Variants in GAK observed in about 807,000 individuals in gnomAD.
GAK encodes cyclin G associated kinase, also known as cyclin-G-associated kinase.
In GAK, 79 loss-of-function variants were observed where a neutral mutation model predicts 143.9. The ratio of observed to expected loss-of-function variants is 0.55; its 90% confidence interval spans 0.46 to 0.66. The LOEUF (loss-of-function observed/expected upper bound fraction) is 0.66. Ranked by LOEUF, GAK falls within the 30% of genes least tolerant of loss-of-function variation. GAK has a pLI of 0.00. For synonymous variants in GAK, 881 were observed against 765.5 expected, an observed-to-expected ratio of 1.15 and a Z score of -2.49; for missense variants, 1,693 against 1,779.7, an observed-to-expected ratio of 0.95 and a Z score of 0.88.
rs1431911721 is a variant in GAK, at chr4:850,035, T to C, written c.3691A>G (p.Ile1231Val). 1.9e-6 allele frequency: 3 copies of C among 1,598,350 alleles called. No homozygotes were observed. Among genetic ancestry groups the C allele is most frequent in the African/African-American group, 1.3e-5 (1 of 74,646 alleles). ...TGCAGCGTGGACAGCAGGGCCCGGA[T>C]GTTCCGCTCCTTGCCCTCAATCCAG... is the stretch of plus-strand genomic sequence containing the variant. Reference protein sequence around the residue: ...LDWIEGKERNIRALLSTLHTV... With the variant: ...LDWIEGKERNVRALLSTLHTV... Residue 1231 changes from isoleucine (I) to valine (V), a missense_variant, in exon 27 of 28, where the codon ATC (isoleucine) becomes GTC (valine). This residue lies in a region of GAK where 822 missense variants were observed against 788.7 expected (regional missense o/e 1.04). Coordinates refer to ENST00000314167, the MANE Select transcript of GAK (RefSeq NM_005255.4).
chr4:871,863 C>T (rs1281547316), intron 18 of GAK, among the ~76,000 whole-genome samples: 1 of 152,230 alleles, frequency 6.6e-6, no homozygotes, highest in Non-Finnish European at 1.5e-5. Flanking sequence ...CTGTCATAAA[C>T]TGCACTGATA....
chr4:906,029 C>A (rs1337410949), intron 4 of GAK, among the ~76,000 whole-genome samples: 1 of 152,240 alleles, frequency 6.6e-6, no homozygotes, highest in Non-Finnish European at 1.5e-5. Flanking sequence ...AGCATCCCAG[C>A]AGCTGAGCTG....
intron 16 of GAK, 84 bp from the exon 17 acceptor site, chr4:877,291 G>A: frequency 2.1e-6 from 2 of 947,618 alleles, no homozygotes; most frequent in Non-Finnish European, 3.4e-6. Flanking sequence ...ATGAGAAATT[G>A]TCCACTTAGC....
chr4:930,260 G>A (rs1323745863), intron 1 of GAK, among the ~76,000 whole-genome samples: 2 of 152,084 alleles, frequency 1.3e-5, no homozygotes, highest in Non-Finnish European at 2.9e-5. Flanking sequence ...GAGGCTGCAG[G>A]CCACCTATTA....
chr4:905,967 G>A (rs1425272131), intron 4 of GAK, among the ~76,000 whole-genome samples: 2 of 152,254 alleles, frequency 1.3e-5, no homozygotes, highest in Admixed American at 1.3e-4. Flanking sequence ...CACACACAGA[G>A]CAGAGGCCAG....
Position 851,847 on chromosome 4 carries a change from C to T in GAK, c.3411G>A (p.Pro1137=), listed in dbSNP as rs755951124. 16 of 1,607,612 alleles carry T rather than the reference C, an allele frequency of 1.0e-5. No individual in the cohort carries two copies. Among genetic ancestry groups the T allele is most frequent in the Admixed American group, 3.4e-5 (2 of 59,236 alleles). ...TTGGCTGTGTGCAGGCTTTGGGGGG[C>T]GGCTTGGCCTGAGGGGGCCATGAGG... ...QGASWPPQAK[P]PPKACTQPRP... Residue 1137 remains proline (P), a synonymous_variant, in exon 25 of 28, where the codon CCG becomes CCA. Transcript: ENST00000314167.
intron 11 of GAK, chr4:888,561 G>T (rs930896608): frequency 5.6e-5 from 23 of 414,206 alleles, no homozygotes; most frequent in Non-Finnish European, 1.3e-5. Context: ...AGCCAGGAAC[G>T]CCCCAGAGTG....
At position 908,240 on chromosome 4, in the gene GAK, C is replaced by T. The variant is rs80173898; in HGVS notation, c.382+3433G>A. The stretch of plus-strand genomic sequence containing the variant: ...CTCCAAGTGTGCTGGGCAGAGGGTG[C>T]GGCAAGGCTCACACAGCAGGCAGGC... On this transcript the variant is annotated intron_variant, in intron 4 of 27. Transcript: ENST00000314167. Among the ~76,000 whole-genome samples, 162 of 152,312 alleles carry T rather than the reference C, an allele frequency of 1.1e-3. 2 individuals are homozygous for T. In the East Asian group the frequency reaches 0.026, roughly 25 times the overall value.
At chr4:872,455 G>A (rs1712863938) in intron 18 of GAK, 1 of 152,292 alleles carries the variant, frequency 6.6e-6, no homozygotes, top group African/African-American at 2.4e-5. Context: ...CAGCTGGCGT[G>A]GAGATGTGGA....
At chr4:921,280 T>C (rs1323161582) in intron 1 of GAK, among the ~76,000 whole-genome samples, 2 of 152,168 alleles carry the variant, frequency 1.3e-5, no homozygotes, top group East Asian at 1.9e-4. Context: ...TTTTTGTATT[T>C]TTAGTAGAGA....
In GAK at chr4:877,821, C is replaced by A. The variant is rs112206114; in HGVS notation, c.1662-12G>T. ...TGTACTCGATGTACCTGGGGGCAGA[C>A]GTGCCGCGTCACCACGTGACGTGCC... On this transcript the variant is annotated splice_polypyrimidine_tract_variant and intron_variant, in intron 15 of 27. Coordinates refer to ENST00000314167, the MANE Select transcript of GAK (RefSeq NM_005255.4). The A allele has an allele frequency of 1.3e-6, 2 of 1,562,152 alleles. No homozygotes were observed. Among genetic ancestry groups the A allele is most frequent in the Non-Finnish European group, 1.7e-6 (2 of 1,150,410 alleles).
chr4:876,973 C>A, intron 17 of GAK, 117 bp downstream of exon 17: 1 of 700,690 alleles, frequency 1.4e-6, no homozygotes, highest in Non-Finnish European at 2.5e-6. Context: ...GCCCACGGCA[C>A]TCACCAAACA....
chr4:872,046 C>T (rs1712752772), intron 18 of GAK, among the ~76,000 whole-genome samples: 1 of 152,206 alleles, frequency 6.6e-6, no homozygotes, highest in South Asian at 2.1e-4. Context: ...CCAGGAACAC[C>T]CAGAGCAGAG....
Position 904,744 on chromosome 4 carries a change from G to A in GAK, c.418C>T (p.Arg140Ter), listed in dbSNP as rs770459206. ...ACCGTGTCGCACGAAAGGGGGCCTC[G>A]AGATTCCATTTTCTTCAAAAATTCC... ...LVEFLKKMES[R>*]GPLSCDTVLK... Residue 140 changes from arginine to a stop codon, truncating the protein, a stop_gained, in exon 5 of 28, where the codon CGA (arginine) becomes TGA (stop). Coordinates refer to ENST00000314167, the MANE Select transcript of GAK (RefSeq NM_005255.4). LOFTEE classifies it high-confidence loss of function. 3.7e-6 allele frequency: 6 copies of A among 1,614,042 alleles called. No homozygotes were observed. Among genetic ancestry groups the A allele is most frequent in the African/African-American group, 2.7e-5 (2 of 74,936 alleles).
chr4:876,917 T>G (rs1367319591), intron 17 of GAK, among the ~76,000 whole-genome samples, 173 bp downstream of exon 17: 1 of 152,188 alleles, frequency 6.6e-6, no homozygotes, highest in Non-Finnish European at 1.5e-5. Context: ...CCGCGTCAAG[T>G]GCACGGGGCA....
At chr4:927,740 G>A (rs1394127082) in intron 1 of GAK, among the ~76,000 whole-genome samples, 1 of 103,576 alleles carries the variant, frequency 9.7e-6, no homozygotes, top group Non-Finnish European at 1.9e-5. Flanking sequence ...GCTTACCTGC[G>A]CTCTGCACTG....
At chr4:910,310 C>T (rs1370825891) in intron 4 of GAK, among the ~76,000 whole-genome samples, 1 of 141,028 alleles carries the variant, frequency 7.1e-6, no homozygotes, top group Non-Finnish European at 1.6e-5. Context: ...CAGAGCCCCC[C>T]GCTAAGTGCA....
chr4:870,956 G>A, intron 18 of GAK, 52 bp from the exon 19 acceptor site: 2 of 1,460,040 alleles, frequency 1.4e-6, no homozygotes, highest in Non-Finnish European at 1.9e-6. Context: ...TAGTCTGTAA[G>A]TCCTTGGACA....
At chr4:909,316 C>T (rs1038101266) in intron 4 of GAK, among the ~76,000 whole-genome samples, 7 of 152,260 alleles carry the variant, frequency 4.6e-5, no homozygotes, top group African/African-American at 1.2e-4. Context: ...AGAAGCGCAG[C>T]GCAGGAGCGG....
Sources: allele counts gnomAD v4.1 joint callset (sites outside exome capture counted in the v4.1 genomes callset), GRCh38; gene constraint gnomAD v4.1.1; regional missense constraint gnomAD v4.1.1; transcripts MANE v1.5; gene names NCBI Gene and HGNC (gene_info 2026-07-23, HGNC 2026-07-21).